The following DYSF variants were observed in gnomAD, a reference collection of about 807,000 sequenced individuals.
The protein encoded by DYSF is dystrophy-associated fer-1-like 1.
A neutral mutation model predicts 274.9 loss-of-function variants in DYSF; 212 were observed. The observed-to-expected ratio is 0.77, with a 90% CI of 0.69 to 0.86. The LOEUF is 0.86. Ranked by LOEUF, DYSF falls within the 40% of genes least tolerant of loss-of-function variation. The pLI, the probability that DYSF is intolerant of heterozygous loss-of-function variation, is 0.00. For missense variants in DYSF, 2,666 were observed against 2,783.2 expected (o/e 0.96, Z 0.95); for synonymous variants, 1,091 against 1,078.7 (o/e 1.01, Z -0.22).
At chr2:71,499,393 G>T (rs1229714021) in intron 3 of DYSF, among the ~76,000 whole-genome samples, 4 of 152,236 alleles carry the variant, frequency 2.6e-5, no homozygotes, top group Non-Finnish European at 4.4e-5. Flanking sequence ...ATGGACACGT[G>T]AATTGCCTCC....
At chr2:71,526,823 C>T (rs1395218207) in intron 13 of DYSF, among the ~76,000 whole-genome samples, 2 of 152,214 alleles carry the variant, frequency 1.3e-5, no homozygotes, top group Non-Finnish European at 2.9e-5. Flanking sequence ...ACAAGGTGAC[C>T]CACCATCCTA....
chr2:71,527,807 G>A (rs2088127146), intron 13 of DYSF, among the ~76,000 whole-genome samples: 1 of 151,618 alleles, frequency 6.6e-6, no homozygotes, highest in Non-Finnish European at 1.5e-5. Context: ...AAATAATCTG[G>A]CTGATTCAAA....
chr2:71,522,947 G>T (rs6739347), intron 12 of DYSF, among the ~76,000 whole-genome samples: 3 of 151,412 alleles, frequency 2.0e-5, no homozygotes, highest in Non-Finnish European at 2.9e-5. Flanking sequence ...TCCCAAGACA[G>T]GAGTTTGAGG....
rs747733419 is a variant in DYSF, at chr2:71,613,219, A to C, written c.4388-115A>C. On this transcript the variant is annotated intron_variant, in intron 39 of 55. Transcript: ENST00000410020. The stretch of plus-strand genomic sequence containing the variant: ...AGGAAGAGAGAGATACCGACTGAGA[A>C]ATGTGGAGAGACTGCAGGGTCTTGT... The C allele has an allele frequency of 3.5e-4, 312 of 880,488 alleles. 1 individual carries two copies. The highest frequency in any genetic ancestry group is 5.1e-4 in the Non-Finnish European group (274 of 536,492). The allele number at this position is 880,488 out of a possible 1,614,324, so 54.5% of individuals were successfully genotyped here.
chr2:71,517,573 T>G (rs2086789463), intron 10 of DYSF, among the ~76,000 whole-genome samples: 1 of 152,190 alleles, frequency 6.6e-6, no homozygotes, highest in Non-Finnish European at 1.5e-5. Context: ...GTTAGCTAAT[T>G]TGTTGTGTCC....
At position 71,585,101 on chromosome 2, in the gene DYSF, T is replaced by A. The variant is rs1032975573; in HGVS notation, c.3403-4492T>A. Among the ~76,000 whole-genome samples, 11 of 152,344 alleles carry A rather than the reference T, an allele frequency of 7.2e-5. No homozygotes were observed. In the South Asian group the frequency reaches 1.2e-3, roughly 17 times the overall value. On this transcript the variant is annotated intron_variant, in intron 30 of 55. Transcript: ENST00000410020. ...CCTGGCCACAGGGGACATTGGGCAA[T>A]GTCTGGAGACATTTCTAGTGATCGT... is the stretch of plus-strand genomic sequence containing the variant.
Position 71,611,626 on chromosome 2 carries a change from G to A in DYSF, c.4221G>A (p.Val1407=). 6.2e-7 allele frequency: 1 copy of A among 1,613,418 alleles called. No individual in the cohort carries two copies. The highest frequency in any genetic ancestry group is 8.5e-7 in the Non-Finnish European group (1 of 1,179,930). ...ACATCTGCACCCTCTTCATGGAAGT[G>A]GTGAGCCCCACCTCCCTACTGTCCC... ...NFDICTLFME[V]MLPREELYCP... is the part of the protein sequence containing the mutation. The change falls in exon 38 of 56, where the codon GTG becomes GTA. Residue 1407 remains valine, a splice_region_variant and synonymous_variant. Coordinates refer to ENST00000410020, the MANE Select transcript of DYSF (RefSeq NM_001130987.2).
intron 1 of DYSF, among the ~76,000 whole-genome samples, chr2:71,459,840 G>C (rs1452939652): frequency 5.3e-5 from 8 of 152,038 alleles, no homozygotes; most frequent in Non-Finnish European, 1.2e-4. Flanking sequence ...CTACAGGATG[G>C]AGTGAGTGGG....
chr2:71,673,710 G>A (rs2095170301), intron 51 of DYSF, among the ~76,000 whole-genome samples: 2 of 152,156 alleles, frequency 1.3e-5, no homozygotes, highest in African/African-American at 4.8e-5. Flanking sequence ...AGTCCAGCTT[G>A]CCACTTCCTA....
At chr2:71,631,307 G>A (rs533745586) in intron 41 of DYSF, among the ~76,000 whole-genome samples, 2 of 152,306 alleles carry the variant, frequency 1.3e-5, no homozygotes, top group South Asian at 4.1e-4. Flanking sequence ...GTACATATCA[G>A]ATGTGCTAAT....
intron 1 of DYSF, among the ~76,000 whole-genome samples, chr2:71,469,396 C>A (rs986858041): frequency 6.6e-6 from 1 of 152,110 alleles, no homozygotes; most frequent in Non-Finnish European, 1.5e-5. Context: ...TCCGGTGGGG[C>A]CCCAGGCATA....
intron 30 of DYSF, among the ~76,000 whole-genome samples, chr2:71,582,148 A>ATAGCTGGTACTCATTCACCTAT (rs2092919492): frequency 6.8e-6 from 1 of 147,156 alleles, no homozygotes; most frequent in Non-Finnish European, 1.5e-5. Context: ...TTATTGGCAC[A>ATAGCTGGTACTCATTCACCTAT]TAGCTGGTAC....
chr2:71,621,929 G>T (rs1159637588), intron 41 of DYSF, among the ~76,000 whole-genome samples: 1 of 152,096 alleles, frequency 6.6e-6, no homozygotes, highest in African/African-American at 2.4e-5. Context: ...AAAGTGCTGG[G>T]ATTACAGGCG....
intron 42 of DYSF, among the ~76,000 whole-genome samples, chr2:71,654,755 A>G (rs1478977935): frequency 1.3e-5 from 2 of 151,984 alleles, no homozygotes; most frequent in Admixed American, 6.6e-5. Flanking sequence ...TGACCTTGCA[A>G]AGATTTTCAT....
At chr2:71,537,684 G>A (rs1179959557) in intron 16 of DYSF, among the ~76,000 whole-genome samples, 2 of 152,226 alleles carry the variant, frequency 1.3e-5, no homozygotes, top group Non-Finnish European at 2.9e-5. Flanking sequence ...GAAATACAAA[G>A]AGGAAGAAAG....
intron 17 of DYSF, among the ~76,000 whole-genome samples, chr2:71,540,548 A>G (rs1474569295): frequency 6.6e-6 from 1 of 152,138 alleles, no homozygotes; most frequent in African/African-American, 2.4e-5. Flanking sequence ...ATAATATTAA[A>G]AAAGAACTTT....
Position 71,642,659 on chromosome 2 carries a change from C to T in DYSF, c.4528-1306C>T, listed in dbSNP as rs545756881. On this transcript the variant is annotated intron_variant, in intron 41 of 55. Coordinates refer to ENST00000410020, the MANE Select transcript of DYSF (RefSeq NM_001130987.2). ...TTCAGCCTCACTCTGGTACACGTTC[C>T]CTGTGTGGTGTGTCTGGAGACACCT... Among the ~76,000 whole-genome samples, 7 of 152,296 alleles carry T rather than the reference C, an allele frequency of 4.6e-5. No individual in the cohort carries two copies. The East Asian group carries it at 1.4e-3, about 29-fold the overall frequency.
chr2:71,591,997 T>C (rs909732337), intron 32 of DYSF, among the ~76,000 whole-genome samples: 2 of 152,248 alleles, frequency 1.3e-5, no homozygotes, highest in African/African-American at 2.4e-5. Flanking sequence ...GTGGCTAACT[T>C]GTCCTGGGAA....
In DYSF at chr2:71,568,301, A is replaced by T. The variant is rs749240847; in HGVS notation, c.2827A>T (p.Thr943Ser). 1.4e-5 allele frequency: 23 copies of T among 1,614,040 alleles called. No homozygotes were observed. Among genetic ancestry groups the T allele is most frequent in the Non-Finnish European group, 1.9e-5 (22 of 1,180,040 alleles). ...KDSFRPSAGWTWAGDWFVCPE... is the reference protein window; with the variant it reads ...KDSFRPSAGWSWAGDWFVCPE... ...CAGCTTCCGCCCCTCGGCCGGCTGG[A>T]CCTGGGCTGGAGATTGGTTCGTGTG... The change falls in exon 26 of 56, where the codon ACC (threonine) becomes TCC (serine). Residue 943 changes from threonine to serine, a missense_variant. Physicochemically the swap from Thr to Ser is moderately conservative, Grantham distance 58. Transcript: ENST00000410020.
Sources: gnomAD v4.1 joint callset for allele counts (sites outside exome capture counted in the v4.1 genomes callset) on GRCh38, gnomAD v4.1.1 for gene constraint, MANE v1.5 for transcripts, NCBI Gene and HGNC (gene_info 2026-07-23, HGNC 2026-07-21) for gene names.